The following CSMD1 variants were observed in gnomAD, a reference collection of about 807,000 sequenced individuals.
The protein encoded by CSMD1 is CUB and sushi domain-containing protein 1.
CSMD1 carries 213 observed loss-of-function variants against 417.5 expected under a neutral mutation model. The observed-to-expected ratio is 0.51, with a 90% CI of 0.46 to 0.57. CSMD1 has a LOEUF of 0.57. Among genes scored for constraint, CSMD1 ranks in the 20% least tolerant of loss-of-function variants. CSMD1 has a pLI of 0.00. For synonymous variants in CSMD1, 2,862 were observed against 1,736.8 expected (o/e 1.65, Z -16.11); for missense variants, 6,923 against 4,529.7 (o/e 1.53, Z -15.17).
At chr8:4,316,446 G>A (rs1798933876) in intron 3 of CSMD1, among the ~76,000 whole-genome samples, 1 of 152,004 alleles carries the variant, frequency 6.6e-6, no homozygotes, top group Non-Finnish European at 1.5e-5. Flanking sequence ...AAATAACTGT[G>A]GTTTTCGCCA....
intron 3 of CSMD1, among the ~76,000 whole-genome samples, chr8:4,319,373 G>C (rs113873729): frequency 1.3e-5 from 2 of 152,062 alleles, no homozygotes; most frequent in African/African-American, 4.8e-5. Flanking sequence ...ATGTTTCTTT[G>C]AAATACTGAG....
intron 5 of CSMD1, among the ~76,000 whole-genome samples, chr8:3,927,529 G>C (rs1809829366): frequency 6.7e-6 from 1 of 150,020 alleles, no homozygotes. Flanking sequence ...GCCAGCCGTG[G>C]TGGTGCATCA....
intron 10 of CSMD1, among the ~76,000 whole-genome samples, chr8:3,496,903 T>C (rs1048490400): frequency 2.0e-5 from 3 of 152,236 alleles, no homozygotes; most frequent in African/African-American, 2.4e-5. Context: ...CATAGACCCA[T>C]TGGACACTCA....
intron 6 of CSMD1, among the ~76,000 whole-genome samples, chr8:3,733,743 C>T (rs1796386867): frequency 6.6e-6 from 1 of 152,106 alleles, no homozygotes; most frequent in East Asian, 1.9e-4. Context: ...TGTCTGTGTT[C>T]AAGTAACCCT....
At chr8:3,493,232 T>G (rs1296224442) in intron 11 of CSMD1, among the ~76,000 whole-genome samples, 2 of 147,634 alleles carry the variant, frequency 1.4e-5, no homozygotes, top group Non-Finnish European at 3.0e-5. Context: ...AGGCGGAGGT[T>G]GCAGTGAGCC....
intron 33 of CSMD1, among the ~76,000 whole-genome samples, chr8:3,194,580 C>T (rs560123157): frequency 6.6e-6 from 1 of 151,742 alleles, no homozygotes; most frequent in African/African-American, 2.4e-5. Context: ...GCCTCAGCCT[C>T]TCAAGAAGCT....
intron 26 of CSMD1, among the ~76,000 whole-genome samples, chr8:3,264,935 A>G (rs1801326817): frequency 6.6e-6 from 1 of 152,100 alleles, no homozygotes; most frequent in South Asian, 2.1e-4. Context: ...GGTATAGCTT[A>G]TATATTCTTT....
intron 2 of CSMD1, among the ~76,000 whole-genome samples, chr8:4,485,339 G>A (rs536230379): frequency 6.6e-4 from 100 of 152,214 alleles, no homozygotes; most frequent in African/African-American, 2.3e-3. Flanking sequence ...CAAACAACCT[G>A]TCTTCATTTT....
intron 3 of CSMD1, among the ~76,000 whole-genome samples, chr8:4,074,746 C>G (rs1364789775): frequency 6.6e-6 from 1 of 150,794 alleles, no homozygotes; most frequent in Non-Finnish European, 1.5e-5. Context: ...GAAAAAGAAA[C>G]AAACAAAAAA....
At chr8:4,956,133 T>C (rs894130664) in intron 1 of CSMD1, among the ~76,000 whole-genome samples, 12 of 152,182 alleles carry the variant, frequency 7.9e-5, no homozygotes, top group African/African-American at 2.9e-4. Context: ...TTCTCGCTCA[T>C]AATGGATGAC....
intron 3 of CSMD1, among the ~76,000 whole-genome samples, chr8:4,271,862 C>G (rs996490082): frequency 6.6e-6 from 1 of 152,180 alleles, no homozygotes; most frequent in African/African-American, 2.4e-5. Context: ...ACAGTGCATT[C>G]CACGATGCAT....
chr8:4,098,619 T>C (rs944666676), intron 3 of CSMD1, among the ~76,000 whole-genome samples: 3 of 152,142 alleles, frequency 2.0e-5, no homozygotes, highest in South Asian at 2.1e-4. Flanking sequence ...TAAGTGAAGG[T>C]AGTGAAATAC....
intron 5 of CSMD1, among the ~76,000 whole-genome samples, chr8:3,886,881 G>A (rs951303546): frequency 5.3e-5 from 8 of 152,274 alleles, no homozygotes; most frequent in Non-Finnish European, 7.3e-5. Context: ...ACTGGCTCTC[G>A]CATGGTAATG....
chr8:3,319,264 G>A (rs74368175), intron 23 of CSMD1, among the ~76,000 whole-genome samples: 2,212 of 152,280 alleles, frequency 0.015, 55 homozygotes, highest in African/African-American at 0.05. Context: ...CCGAGCATTT[G>A]ATTAACTAGT....
In CSMD1 at chr8:3,995,056, G is replaced by A. The variant is rs17068459; in HGVS notation, c.818+2847C>T. On this transcript the variant is annotated intron_variant, in intron 5 of 69. Coordinates refer to ENST00000635120, the MANE Select transcript of CSMD1 (RefSeq NM_033225.6). ...CCTGTCTATGCAATTCGGGAATGGGGAAACCTTTTAAATACACCAATTTGA... is the reference window on the plus strand; with the variant it reads ...CCTGTCTATGCAATTCGGGAATGGGAAAACCTTTTAAATACACCAATTTGA... Among the ~76,000 whole-genome samples, 4 of 152,128 alleles carry A rather than the reference G, an allele frequency of 2.6e-5. No individual in the cohort carries two copies. The East Asian group carries it at 5.8e-4, about 22-fold the overall frequency.
intron 4 of CSMD1, among the ~76,000 whole-genome samples, chr8:4,026,138 T>G (rs1261322433): frequency 3.3e-5 from 5 of 152,184 alleles, no homozygotes; most frequent in Non-Finnish European, 7.4e-5. Flanking sequence ...GAAATTTACA[T>G]CTCTCATAAA....
chr8:4,946,191 T>C (rs1244368624), intron 1 of CSMD1, among the ~76,000 whole-genome samples: 1 of 152,212 alleles, frequency 6.6e-6, no homozygotes, highest in African/African-American at 2.4e-5. Context: ...TGTTTTGGTC[T>C]GACTCAACAT....
At chr8:4,778,397 T>C (rs904866853) in intron 1 of CSMD1, among the ~76,000 whole-genome samples, 3 of 152,236 alleles carry the variant, frequency 2.0e-5, no homozygotes, top group African/African-American at 4.8e-5. Flanking sequence ...TTCCTTTCAA[T>C]TTATTGATTC....
At chr8:4,040,651 A>G (rs1446090555) in intron 3 of CSMD1, among the ~76,000 whole-genome samples, 1 of 152,210 alleles carries the variant, frequency 6.6e-6, no homozygotes, top group Admixed American at 6.5e-5. Flanking sequence ...GGGCACAACC[A>G]TAACATAGTT....
Sources: allele counts gnomAD v4.1 joint callset (sites outside exome capture counted in the v4.1 genomes callset), GRCh38; gene constraint gnomAD v4.1.1; transcripts MANE v1.5; gene names NCBI Gene and HGNC (gene_info 2026-07-23, HGNC 2026-07-21).